The following CNTNAP3B variants were observed in gnomAD, a reference collection of about 807,000 sequenced individuals.
CNTNAP3B encodes the protein contactin associated protein family member 3B.
CNTNAP3B carries 25 observed loss-of-function variants against 108.9 expected under a neutral mutation model. The observed-to-expected ratio is 0.23, with a 90% CI of 0.17 to 0.32. CNTNAP3B has a LOEUF of 0.32. CNTNAP3B is among the 10% of genes least tolerant of loss of function. The pLI is 1.00. For missense variants in CNTNAP3B, 252 were observed against 1,210.4 expected, an observed-to-expected ratio of 0.21 and a Z score of 11.75; for synonymous variants, 103 against 473.4, an observed-to-expected ratio of 0.22 and a Z score of 10.16.
chr9:42,110,317 G>A lies in CNTNAP3B; in HGVS notation c.86-5578C>T, dbSNP rs1828170410. 1.5e-5 allele frequency among the ~76,000 whole-genome samples: 2 copies of A among 136,942 alleles called. 1 individual carries two copies. Among genetic ancestry groups the A allele is most frequent in the Non-Finnish European group, 3.1e-5 (2 of 64,504 alleles). The allele number at this position is 136,942 out of a possible 152,430, so 89.8% of individuals were successfully genotyped here. ...CCAGGCTGTGGCTCTCCCCATGCTT[G>A]CGGCTGCACTTGCTCCTCACTGTGA... On this transcript the variant is annotated intron_variant, in intron 1 of 23. Transcript: ENST00000377561.
intron 10 of CNTNAP3B, among the ~76,000 whole-genome samples, chr9:41,965,688 C>T (rs1458861344): frequency 6.6e-6 from 1 of 152,128 alleles, no homozygotes; most frequent in Middle Eastern, 3.4e-3. Flanking sequence ...CGGGGAGCAC[C>T]CAAGTGCCCC....
At chr9:41,918,107 T>C (rs937716913) in intron 18 of CNTNAP3B, among the ~76,000 whole-genome samples, 2 of 151,956 alleles carry the variant, frequency 1.3e-5, no homozygotes, top group Non-Finnish European at 2.9e-5. Context: ...GAGCTCCTTA[T>C]GTGGCCAGCC....
chr9:42,112,853 A>C (rs1828222362), intron 1 of CNTNAP3B, among the ~76,000 whole-genome samples: 1 of 124,828 alleles, frequency 8.0e-6, no homozygotes, highest in Non-Finnish European at 1.7e-5. Flanking sequence ...GAAGACCTAG[A>C]GGAAAGTTTA....
intron 13 of CNTNAP3B, among the ~76,000 whole-genome samples, chr9:41,951,851 C>T (rs1293761362): frequency 2.6e-5 from 4 of 152,286 alleles, no homozygotes; most frequent in African/African-American, 9.6e-5. Flanking sequence ...CTGAGGCGGG[C>T]GGATCACCTG....
In CNTNAP3B at chr9:41,916,380, C is replaced by G. The variant is rs534385645; in HGVS notation, c.2995+3690G>C. Among the ~76,000 whole-genome samples, 18 of 148,964 alleles carry G rather than the reference C, an allele frequency of 1.2e-4. No homozygotes were observed. In the South Asian group the frequency reaches 2.1e-3, roughly 18 times the overall value. ...AAAGGGTAAGAAATATGACATTATACTTTCTTTTATAATTACCTGCACACT... is the reference window on the plus strand; with the variant it reads ...AAAGGGTAAGAAATATGACATTATAGTTTCTTTTATAATTACCTGCACACT... On this transcript the variant is annotated intron_variant, in intron 18 of 23. Coordinates refer to ENST00000377561, the MANE Select transcript of CNTNAP3B (RefSeq NM_001201380.3).
intron 10 of CNTNAP3B, among the ~76,000 whole-genome samples, chr9:41,965,363 C>T (rs1825237208): frequency 6.6e-6 from 1 of 151,612 alleles, no homozygotes; most frequent in Non-Finnish European, 1.5e-5. Context: ...TTGGAATCTG[C>T]TGCCGCCCAC....
intron 11 of CNTNAP3B, among the ~76,000 whole-genome samples, chr9:41,961,986 T>G (rs1587151279): frequency 6.6e-6 from 1 of 152,412 alleles, no homozygotes; most frequent in African/African-American, 2.4e-5. Flanking sequence ...TTAATAACAA[T>G]ACTTAAATAT....
chr9:42,004,743 G>A (rs1472783975), intron 4 of CNTNAP3B, among the ~76,000 whole-genome samples: 3 of 116,922 alleles, frequency 2.6e-5, no homozygotes, highest in Admixed American at 8.9e-5. Context: ...GACTAGTGAC[G>A]ATTCATTTTA....
intron 13 of CNTNAP3B, among the ~76,000 whole-genome samples, chr9:41,945,833 T>C (rs1345833995): frequency 6.6e-6 from 1 of 152,150 alleles, no homozygotes; most frequent in African/African-American, 2.4e-5. Flanking sequence ...CACCTACATG[T>C]TGTCTACTGA....
intron 3 of CNTNAP3B, among the ~76,000 whole-genome samples, chr9:42,019,679 T>C (rs1296490471): frequency 2.0e-5 from 3 of 149,334 alleles, no homozygotes; most frequent in Non-Finnish European, 3.0e-5. Flanking sequence ...GAGAATCACA[T>C]GAACCTGGGA....
intron 14 of CNTNAP3B, among the ~76,000 whole-genome samples, chr9:41,934,144 C>CATATATATATATACAA: frequency 1.4e-5 from 1 of 72,306 alleles, no homozygotes; most frequent in South Asian, 4.4e-4. Context: ...TATATATACA[C>CATATATATATATACAA]ACACATATAT....
intron 9 of CNTNAP3B, among the ~76,000 whole-genome samples, chr9:41,977,707 C>T (rs1450841296): frequency 7.6e-6 from 1 of 130,888 alleles, no homozygotes; most frequent in Non-Finnish European, 1.6e-5. Context: ...ATAAGCTCTG[C>T]CTCCCAGGTT....
intron 1 of CNTNAP3B, among the ~76,000 whole-genome samples, chr9:42,116,850 CA>C (rs561281257): frequency 9.8e-5 from 13 of 132,310 alleles, no homozygotes; most frequent in South Asian, 2.4e-4. Context: ...AAAGGGAAAA[CA>C]AAAAAAAAGC....
chr9:41,958,548 C>T (rs1824949302), intron 12 of CNTNAP3B, among the ~76,000 whole-genome samples: 1 of 151,924 alleles, frequency 6.6e-6, no homozygotes, highest in Non-Finnish European at 1.5e-5. Flanking sequence ...TTCTGTAGTC[C>T]TGTGATTAGG....
At chr9:42,054,095 T>C (rs1827010594) in intron 3 of CNTNAP3B, among the ~76,000 whole-genome samples, 1 of 145,936 alleles carries the variant, frequency 6.9e-6, no homozygotes, top group Non-Finnish European at 1.5e-5. Flanking sequence ...TTCTGCTTCC[T>C]TATTGTAGAT....
chr9:41,935,745 G>A (rs1447623028), intron 14 of CNTNAP3B, among the ~76,000 whole-genome samples: 2 of 152,376 alleles, frequency 1.3e-5, no homozygotes, highest in East Asian at 1.9e-4. Context: ...AGGTTAAAAA[G>A]CAAATGACTC....
chr9:41,933,243 T>G (rs1473035857), intron 14 of CNTNAP3B, among the ~76,000 whole-genome samples: 1 of 152,288 alleles, frequency 6.6e-6, no homozygotes, highest in Non-Finnish European at 1.5e-5. Flanking sequence ...GGCTGTCCTG[T>G]GCACTGTAGG....
chr9:42,115,001 C>T (rs1268058523), intron 1 of CNTNAP3B, among the ~76,000 whole-genome samples: 3 of 136,704 alleles, frequency 2.2e-5, no homozygotes, highest in East Asian at 4.4e-4. Flanking sequence ...TTGCAGTGAG[C>T]CAAGATTGTG....
At chr9:41,939,800 TG>T (rs1351594983) in intron 13 of CNTNAP3B, among the ~76,000 whole-genome samples, 3 of 152,214 alleles carry the variant, frequency 2.0e-5, no homozygotes, top group Non-Finnish European at 4.4e-5. Flanking sequence ...AACAAAAAGA[TG>T]TAAGTGGGTG....
Sources: allele counts gnomAD v4.1 joint callset (sites outside exome capture counted in the v4.1 genomes callset), GRCh38; gene constraint gnomAD v4.1.1; transcripts MANE v1.5; gene names NCBI Gene and HGNC (gene_info 2026-07-23, HGNC 2026-07-21).